ADGRV1: variants seen among roughly 807,000 people sequenced by gnomAD.
ADGRV1 encodes the protein G-protein coupled receptor 98.
A neutral mutation model predicts 596.2 loss-of-function variants in ADGRV1; 359 were observed. That is an observed-to-expected ratio of 0.60 (90% CI 0.55 to 0.66). The LOEUF (loss-of-function observed/expected upper bound fraction) is 0.66, where lower values mean the gene tolerates loss of function less well. ADGRV1 is among the 30% of genes least tolerant of loss of function. The pLI is 0.00. For missense variants in ADGRV1, 7,274 were observed against 7,575.6 expected (o/e 0.96, Z 1.48); for synonymous variants, 2,681 against 2,679.2 (o/e 1.00, Z -0.02).
chr5:90,586,973 C>T (rs1055219000), intron 1 of ADGRV1, among the ~76,000 whole-genome samples: 1 of 152,098 alleles, frequency 6.6e-6, no homozygotes, highest in Non-Finnish European at 1.5e-5. Context: ...AGGAGTTTAC[C>T]TAGGATAGAC....
intron 85 of ADGRV1, among the ~76,000 whole-genome samples, chr5:91,043,186 C>A (rs1286946871): frequency 6.6e-6 from 1 of 152,068 alleles, no homozygotes; most frequent in Non-Finnish European, 1.5e-5. Flanking sequence ...ACAGTGTGTT[C>A]TTGGCTGTAA....
In ADGRV1 at chr5:90,690,969, C is replaced by A; in HGVS notation, c.6879C>A (p.Thr2293=). 2 of 1,613,804 alleles carry A rather than the reference C, an allele frequency of 1.2e-6. No individual in the cohort carries two copies. The highest frequency in any genetic ancestry group is 1.7e-6 in the Non-Finnish European group (2 of 1,179,806). The change falls in exon 31 of 90, where the codon ACC becomes ACA. Residue 2293 remains threonine (T), a synonymous_variant. Transcript: ENST00000405460. ...TGCGAGTTGTCTCAGGTAATGTGAC[C>A]TTTGCCCCTGGGGAAACCATTCAAA... The part of the protein sequence containing the change: ...GDLRVVSGNV[T]FAPGETIQTL...
chr5:90,725,746 T>G (rs1751686547), intron 48 of ADGRV1, 90 bp downstream of exon 48: 1 of 781,376 alleles, frequency 1.3e-6, no homozygotes, highest in Non-Finnish European at 2.1e-6. Context: ...TCTGCTGGTT[T>G]AGTATAAAAG....
chr5:91,082,256 G>A (rs1789452565), intron 86 of ADGRV1, among the ~76,000 whole-genome samples: 1 of 152,144 alleles, frequency 6.6e-6, no homozygotes, highest in Non-Finnish European at 1.5e-5. Context: ...TTGTATTCAG[G>A]CTAAGTAAGT....
At position 91,160,032 on chromosome 5, in the gene ADGRV1, C is replaced by A. The variant is rs535928181; in HGVS notation, c.18803-3750C>A. On this transcript the variant is annotated intron_variant, in intron 89 of 89. Transcript: ENST00000405460. ...TCTCCCAGAATGACTAACCTGATTC[C>A]CCACCATCCCCAGCCCCCTAGCCTC... 2.0e-5 allele frequency among the ~76,000 whole-genome samples: 3 copies of A among 152,316 alleles called. No homozygotes were observed. In the South Asian group the frequency reaches 6.2e-4, roughly 32 times the overall value.
rs140782629 is a variant in ADGRV1, at chr5:91,147,684, G to A, written c.18433-2346G>A. Among the ~76,000 whole-genome samples the A allele has an allele frequency of 7.2e-3, 1,088 of 152,166 alleles. 12 individuals carry two copies. The highest frequency in any genetic ancestry group is 0.025 in the African/African-American group (1,041 of 41,500). ...TTTTCTTTATAAATTACCCAGTCTC[G>A]GGTATTTCTTTATAGCAGTGTGAGA... is the stretch of plus-strand genomic sequence containing the variant. On this transcript the variant is annotated intron_variant, in intron 87 of 89. Coordinates refer to ENST00000405460, the MANE Select transcript of ADGRV1 (RefSeq NM_032119.4).
At position 90,627,419 on chromosome 5, in the gene ADGRV1, T is replaced by C. The variant is rs775331908; in HGVS notation, c.881T>C (p.Ile294Thr). The change falls in exon 7 of 90, where the codon ATT becomes ACT. Residue 294 changes from isoleucine (I) to threonine (T), a missense_variant. By Grantham distance (89) the Ile-to-Thr change is moderately conservative. This residue lies in a region of ADGRV1 where 1,715 missense variants were observed against 1,708.8 expected (regional missense o/e 1.00). Coordinates refer to ENST00000405460, the MANE Select transcript of ADGRV1 (RefSeq NM_032119.4). ...VRGKDNNGNL[I>T]GSDEYEVSIS... ...GGAAAGGACAACAATGGAAATCTGATTGGATCTGATGAATATGAGGTTTCA... is the reference window on the plus strand; with the variant it reads ...GGAAAGGACAACAATGGAAATCTGACTGGATCTGATGAATATGAGGTTTCA... 3.1e-6 allele frequency: 5 copies of C among 1,613,832 alleles called. No homozygotes were observed. The East Asian group carries it at 6.7e-5, about 22-fold the overall frequency.
At chr5:91,004,900 A>T (rs1426254936) in intron 85 of ADGRV1, among the ~76,000 whole-genome samples, 1 of 152,132 alleles carries the variant, frequency 6.6e-6, no homozygotes, top group African/African-American at 2.4e-5. Context: ...TGACATAGCC[A>T]AAAAGGAGGC....
chr5:90,865,555 ATTTTT>A (rs1437617007), intron 83 of ADGRV1, among the ~76,000 whole-genome samples: 1 of 152,114 alleles, frequency 6.6e-6, no homozygotes, highest in Non-Finnish European at 1.5e-5. Flanking sequence ...TTTTCAGTAT[ATTTTT>A]AGAATACATG....
At chr5:90,727,827 C>T (rs75042664) in intron 48 of ADGRV1, among the ~76,000 whole-genome samples, 3,472 of 152,276 alleles carry the variant, frequency 0.023, 130 homozygotes, top group African/African-American at 0.081. Flanking sequence ...AGATTCCTTC[C>T]AGTCTTTATT....
At chr5:90,881,624 G>T (rs1446749672) in intron 83 of ADGRV1, among the ~76,000 whole-genome samples, 2 of 152,076 alleles carry the variant, frequency 1.3e-5, no homozygotes, top group Non-Finnish European at 2.9e-5. Context: ...GGCGGAATTT[G>T]TAATAGTTTC....
intron 79 of ADGRV1, among the ~76,000 whole-genome samples, chr5:90,851,132 T>TGAGAGAGA (rs1250365258): frequency 1.4e-5 from 1 of 71,896 alleles, no homozygotes; most frequent in Non-Finnish European, 3.3e-5. Flanking sequence ...TGTGTGTGTG[T>TGAGAGAGA]GTGAGAGAGA....
chr5:90,780,568 C>G (rs1758728923), intron 64 of ADGRV1, among the ~76,000 whole-genome samples: 1 of 152,132 alleles, frequency 6.6e-6, no homozygotes. Context: ...TAAAAAAAGA[C>G]TTCTTTTGCA....
At chr5:90,803,348 A>G (rs1761584437) in intron 71 of ADGRV1, among the ~76,000 whole-genome samples, 1 of 152,204 alleles carries the variant, frequency 6.6e-6, no homozygotes, top group Non-Finnish European at 1.5e-5. Context: ...ATTATTTCCC[A>G]ATCATTTCAT....
intron 83 of ADGRV1, among the ~76,000 whole-genome samples, chr5:90,912,732 CTGGAAAGGACA>C (rs1156412217): frequency 6.6e-6 from 1 of 152,142 alleles, no homozygotes; most frequent in African/African-American, 2.4e-5. Flanking sequence ...ATCCGTGTTC[CTGGAAAGGACA>C]TGACTTTGTT....
intron 59 of ADGRV1, among the ~76,000 whole-genome samples, chr5:90,766,184 C>CA (rs960104086): frequency 4.6e-5 from 7 of 152,140 alleles, no homozygotes; most frequent in Non-Finnish European, 8.8e-5. Flanking sequence ...GCTGGGATTA[C>CA]AGGCGTGAGC....
At chr5:90,948,838 C>G (rs188319425) in intron 83 of ADGRV1, among the ~76,000 whole-genome samples, 2 of 152,094 alleles carry the variant, frequency 1.3e-5, no homozygotes, top group East Asian at 3.9e-4. Context: ...GTGAGTACTC[C>G]AAGCACAGTT....
chr5:90,957,529 T>C (rs1337439357), intron 83 of ADGRV1, among the ~76,000 whole-genome samples: 1 of 148,086 alleles, frequency 6.8e-6, no homozygotes, highest in African/African-American at 2.5e-5. Flanking sequence ...AGGGCTAATT[T>C]TGCTTCCTTT....
intron 83 of ADGRV1, among the ~76,000 whole-genome samples, chr5:90,880,998 C>G (rs540506090): frequency 1.3e-5 from 2 of 152,192 alleles, no homozygotes; most frequent in Admixed American, 1.3e-4. Context: ...TGCTTTCACT[C>G]TTTGGGGAAG....
Sources: allele counts gnomAD v4.1 joint callset (sites outside exome capture counted in the v4.1 genomes callset), GRCh38; gene constraint gnomAD v4.1.1; regional missense constraint gnomAD v4.1.1; transcripts MANE v1.5; gene names NCBI Gene and HGNC (gene_info 2026-07-23, HGNC 2026-07-21).